Variants in GTF2E2 observed in about 807,000 individuals in gnomAD.
The protein encoded by GTF2E2 is transcription initiation factor IIE subunit beta.
Under a neutral mutation model 40.5 loss-of-function variants are expected in GTF2E2, and 21 were observed. That is an observed-to-expected ratio of 0.52 (90% CI 0.37 to 0.75). The LOEUF (loss-of-function observed/expected upper bound fraction) is 0.75. GTF2E2 is among the 30% of genes least tolerant of loss of function. The pLI is 0.00. For missense variants in GTF2E2, 298 were observed against 338.4 expected, an observed-to-expected ratio of 0.88 and a Z score of 0.94; for synonymous variants, 117 against 121.6, an observed-to-expected ratio of 0.96 and a Z score of 0.25.
chr8:30,614,835 T>C, intron 3 of GTF2E2, 120 bp from the exon 4 acceptor site: 2 of 617,576 alleles, frequency 3.2e-6, no homozygotes, highest in Admixed American at 3.0e-5. Flanking sequence ...GGTAGCATAA[T>C]TATAGTGACG....
intron 3 of GTF2E2, among the ~76,000 whole-genome samples, chr8:30,623,516 T>C (rs1224635422): frequency 1.3e-5 from 2 of 152,138 alleles, no homozygotes; most frequent in Non-Finnish European, 2.9e-5. Flanking sequence ...TTTATAATCC[T>C]TTCGGTATAT....
intron 5 of GTF2E2, among the ~76,000 whole-genome samples, chr8:30,611,116 G>A (rs922143725): frequency 5.3e-5 from 8 of 152,214 alleles, no homozygotes; most frequent in African/African-American, 1.2e-4. Flanking sequence ...CCAAGCAAAC[G>A]GGCTAAGGCT....
intron 2 of GTF2E2, among the ~76,000 whole-genome samples, chr8:30,640,336 C>CA (rs2128725582): frequency 6.6e-6 from 1 of 152,322 alleles, no homozygotes; most frequent in Non-Finnish European, 1.5e-5. Flanking sequence ...GGTTCCAGAA[C>CA]AGTTCCAAGT....
intron 6 of GTF2E2, among the ~76,000 whole-genome samples, chr8:30,602,511 C>T (rs578056631): frequency 6.6e-6 from 1 of 152,046 alleles, no homozygotes; most frequent in South Asian, 2.1e-4. Flanking sequence ...TGTTCACTGA[C>T]TTTGGGAGGC....
chr8:30,643,173 T>C (rs939983153), intron 2 of GTF2E2, among the ~76,000 whole-genome samples: 3 of 152,230 alleles, frequency 2.0e-5, no homozygotes, highest in Admixed American at 6.5e-5. Flanking sequence ...TATATTGTTA[T>C]GGCTTTGAGT....
intron 3 of GTF2E2, among the ~76,000 whole-genome samples, chr8:30,631,522 T>C (rs1377017771): frequency 6.6e-6 from 1 of 152,224 alleles, no homozygotes; most frequent in Non-Finnish European, 1.5e-5. Flanking sequence ...GAGTGTGCAT[T>C]ACTCAATATG....
chr8:30,594,307 G>T (rs1315988385), intron 6 of GTF2E2, among the ~76,000 whole-genome samples: 2 of 151,640 alleles, frequency 1.3e-5, no homozygotes, highest in African/African-American at 4.8e-5. Context: ...ACCCAGGCTG[G>T]AATGCAATGG....
chr8:30,643,457 G>A (rs2128727189), intron 2 of GTF2E2: 2 of 152,278 alleles, frequency 1.3e-5, no homozygotes, highest in Middle Eastern at 6.8e-3. Context: ...AGGAGTTTGA[G>A]ACCAGCCTGA....
chr8:30,592,597 C>G (rs2979502), intron 6 of GTF2E2, among the ~76,000 whole-genome samples: 2 of 152,046 alleles, frequency 1.3e-5, no homozygotes, highest in Middle Eastern at 6.8e-3. Context: ...TACATATAAC[C>G]TATGCCTATC....
intron 6 of GTF2E2, among the ~76,000 whole-genome samples, chr8:30,585,771 TTAAAA>T (rs1828663653): frequency 1.3e-5 from 1 of 76,198 alleles, no homozygotes; most frequent in Non-Finnish European, 2.3e-5. Context: ...TCTTTGCCCT[TTAAAA>T]AAAAAAAAAA....
intron 1 of GTF2E2, among the ~76,000 whole-genome samples, chr8:30,654,089 A>C (rs1283787468): frequency 1.7e-3 from 1 of 586 alleles, no homozygotes; most frequent in Non-Finnish European, 8.6e-3. Context: ...ACCCTTGTTC[A>C]AAAAAAAAAA....
chr8:30,636,474 AGTCTTTATT>A (rs993863313), intron 2 of GTF2E2, among the ~76,000 whole-genome samples: 3 of 152,254 alleles, frequency 2.0e-5, no homozygotes, highest in African/African-American at 4.8e-5. Flanking sequence ...AGATTAGTGA[AGTCTTTATT>A]GAGTATCCTT....
chr8:30,615,031 A>C (rs1217121014), intron 3 of GTF2E2, among the ~76,000 whole-genome samples: 1 of 151,870 alleles, frequency 6.6e-6, no homozygotes, highest in African/African-American at 2.4e-5. Context: ...TAATCCCAGC[A>C]CTCTGGGGGA....
intron 3 of GTF2E2, among the ~76,000 whole-genome samples, chr8:30,615,377 A>C (rs997304628): frequency 2.6e-5 from 4 of 152,196 alleles, no homozygotes; most frequent in Non-Finnish European, 5.9e-5. Context: ...AACTTTCACC[A>C]AACAATCCTA....
At chr8:30,615,222 T>C (rs949537485) in intron 3 of GTF2E2, among the ~76,000 whole-genome samples, 3 of 152,072 alleles carry the variant, frequency 2.0e-5, no homozygotes, top group African/African-American at 7.2e-5. Flanking sequence ...GAGGCTGCAG[T>C]GAGCTGAGAT....
chr8:30,625,276 G>A (rs978495043), intron 3 of GTF2E2, among the ~76,000 whole-genome samples: 2 of 151,910 alleles, frequency 1.3e-5, no homozygotes, highest in African/African-American at 4.8e-5. Flanking sequence ...TAATCATGTG[G>A]TTTTTGTCTT....
Position 30,600,377 on chromosome 8 carries a change from A to C in GTF2E2, c.643+6680T>G, listed in dbSNP as rs1829142803. Among the ~76,000 whole-genome samples the C allele has an allele frequency of 2.0e-5, 3 of 152,214 alleles. No individual in the cohort carries two copies. In the South Asian group the frequency reaches 6.2e-4, roughly 32 times the overall value. ...ATTTTTCCGATACTAATAATAGTTA[A>C]CATTACCATGTTCTTACTTTCCACC... is the stretch of plus-strand genomic sequence containing the variant. On this transcript the variant is annotated intron_variant, in intron 6 of 7. Transcript: ENST00000355904.
chr8:30,641,862 C>T (rs539478513), intron 2 of GTF2E2, among the ~76,000 whole-genome samples: 116 of 152,042 alleles, frequency 7.6e-4, no homozygotes, highest in Non-Finnish European at 1.5e-3. Context: ...GGTGACAGAA[C>T]GAGACTCTGT....
At chr8:30,626,283 G>A (rs186419675) in intron 3 of GTF2E2, among the ~76,000 whole-genome samples, 1 of 152,130 alleles carries the variant, frequency 6.6e-6, no homozygotes, top group Non-Finnish European at 1.5e-5. Context: ...TCAAGAGATC[G>A]AGACCATCCT....
Sources: gnomAD v4.1 joint callset for allele counts (sites outside exome capture counted in the v4.1 genomes callset) on GRCh38, gnomAD v4.1.1 for gene constraint, MANE v1.5 for transcripts, NCBI Gene and HGNC (gene_info 2026-07-23, HGNC 2026-07-21) for gene names.